TSPAN18: variants seen among roughly 807,000 people sequenced by gnomAD.
The protein encoded by TSPAN18 is tetraspanin-18.
In TSPAN18, 14 loss-of-function variants were observed where a neutral mutation model predicts 27.3. The ratio of observed to expected loss-of-function variants is 0.51; its 90% CI spans 0.34 to 0.80. The LOEUF is 0.80. Among genes scored for constraint, TSPAN18 ranks in the 30% least tolerant of loss-of-function variants. The pLI, the probability that TSPAN18 is intolerant of heterozygous loss-of-function variation, is 0.01. For missense variants in TSPAN18, 268 were observed against 323.9 expected (o/e 0.83, Z 1.32); for synonymous variants, 143 against 136.5 (o/e 1.05, Z -0.33).
At chr11:44,832,524 C>T (rs1332857529) in intron 2 of TSPAN18, among the ~76,000 whole-genome samples, 1 of 152,166 alleles carries the variant, frequency 6.6e-6, no homozygotes, top group Non-Finnish European at 1.5e-5. Flanking sequence ...AGAGCTTTTC[C>T]AGCTCTGGGC....
At chr11:44,908,805 A>AAGAAAGAAAG (rs1859585601) in intron 4 of TSPAN18, among the ~76,000 whole-genome samples, 2 of 117,186 alleles carry the variant, frequency 1.7e-5, no homozygotes, top group Non-Finnish European at 3.6e-5. Flanking sequence ...GAAAGAAAGA[A>AAGAAAGAAAG]AGAAAGAAAG....
chr11:44,919,388 A>G, intron 7 of TSPAN18, 76 bp downstream of exon 7: 2 of 1,257,664 alleles, frequency 1.6e-6, no homozygotes, highest in Non-Finnish European at 2.3e-6. Flanking sequence ...GCCAGGCATC[A>G]GTAATCAATC....
intron 5 of TSPAN18, among the ~76,000 whole-genome samples, chr11:44,910,950 A>T (rs770260402): frequency 6.6e-6 from 1 of 152,234 alleles, no homozygotes; most frequent in Non-Finnish European, 1.5e-5. Flanking sequence ...GGGGCCGACC[A>T]GCTCAGCTAT....
intron 2 of TSPAN18, among the ~76,000 whole-genome samples, chr11:44,789,003 A>G (rs1478688763): frequency 6.6e-6 from 1 of 152,246 alleles, no homozygotes; most frequent in African/African-American, 2.4e-5. Flanking sequence ...GAAAACCACA[A>G]AAAGCAACGC....
intron 3 of TSPAN18, among the ~76,000 whole-genome samples, chr11:44,877,372 G>C (rs1182907355): frequency 1.3e-5 from 2 of 152,242 alleles, no homozygotes; most frequent in East Asian, 1.9e-4. Flanking sequence ...GTGACCTGGA[G>C]TGGTCTGTCC....
chr11:44,894,267 A>T (rs907169407), intron 3 of TSPAN18, among the ~76,000 whole-genome samples: 11 of 152,192 alleles, frequency 7.2e-5, no homozygotes, highest in Admixed American at 7.2e-4. Flanking sequence ...GCACAGGCAG[A>T]TCCCCCACTG....
rs184676272 is a variant in TSPAN18, at chr11:44,905,129, C to T, written c.-10-1278C>T. On this transcript the variant is annotated intron_variant, in intron 3 of 9. Transcript: ENST00000520358. ...GAGTCCAATGTGATGCTTTGATACA[C>T]ATTTTACTATTATTAATATTAATAA... Among the ~76,000 whole-genome samples the T allele has an allele frequency of 2.0e-3, 306 of 152,242 alleles. 11 individuals are homozygous for T. Among genetic ancestry groups the T allele is most frequent in the Admixed American group, 0.02 (304 of 15,300 alleles).
In TSPAN18 at chr11:44,913,324, T is replaced by A. The variant is rs78368323; in HGVS notation, c.258+3425T>A. 1.5e-3 allele frequency among the ~76,000 whole-genome samples: 236 copies of A among 152,348 alleles called. 10 individuals are homozygous for A. The East Asian group carries it at 0.038, about 24-fold the overall frequency. On this transcript the variant is annotated intron_variant, in intron 5 of 9. Coordinates refer to ENST00000520358, the MANE Select transcript of TSPAN18 (RefSeq NM_130783.5). ...CAGGACCTGGGGACAATCAGTCTAA[T>A]GACCAGACCACCTAATGATCAATTT...
intron 2 of TSPAN18, among the ~76,000 whole-genome samples, chr11:44,857,049 G>A (rs530814914): frequency 1.6e-4 from 24 of 152,266 alleles, no homozygotes; most frequent in African/African-American, 5.1e-4. Context: ...TGAAGAAAAC[G>A]AGATACCCAG....
At chr11:44,777,613 G>GTTTGT (rs1855842555) in intron 2 of TSPAN18, among the ~76,000 whole-genome samples, 2 of 152,184 alleles carry the variant, frequency 1.3e-5, no homozygotes, top group Admixed American at 1.3e-4. Flanking sequence ...GTCTTTAATG[G>GTTTGT]GAAGGCTGAG....
At chr11:44,730,909 C>A (rs191370319) in intron 1 of TSPAN18, among the ~76,000 whole-genome samples, 65 of 152,314 alleles carry the variant, frequency 4.3e-4, no homozygotes, top group African/African-American at 1.4e-3. Flanking sequence ...CAGGCGTGAG[C>A]CACTGCACTT....
chr11:44,863,892 C>G (rs1178509932), intron 3 of TSPAN18, among the ~76,000 whole-genome samples: 1 of 152,142 alleles, frequency 6.6e-6, no homozygotes, highest in Non-Finnish European at 1.5e-5. Context: ...CAGTGTAGTA[C>G]TGATGCTATT....
chr11:44,847,318 T>G (rs1178555936), intron 2 of TSPAN18, among the ~76,000 whole-genome samples: 2 of 152,226 alleles, frequency 1.3e-5, no homozygotes, highest in Admixed American at 1.3e-4. Context: ...CCTGGCTCCC[T>G]CACTTATGAG....
At chr11:44,833,571 G>A (rs1177612875) in intron 2 of TSPAN18, among the ~76,000 whole-genome samples, 8 of 152,074 alleles carry the variant, frequency 5.3e-5, no homozygotes, top group Non-Finnish European at 1.2e-4. Flanking sequence ...TTCTGTGCTC[G>A]AAAAGGCTTA....
chr11:44,931,090 G>T lies in TSPAN18; in HGVS notation c.*1912G>T, dbSNP rs766872896. ...CCTCCTGCTGTGCCCGCCAGTCCTT[G>T]CCCTCCCACCAGGTCTCTGAGCTCA... On this transcript the variant is annotated 3_prime_UTR_variant, in exon 10 of 10. Transcript: ENST00000520358. The T allele has an allele frequency of 7.8e-5, 31 of 395,090 alleles. No homozygotes were observed. The highest frequency in any genetic ancestry group is 1.5e-4 in the Non-Finnish European group (29 of 195,952). 24.5% of individuals were successfully genotyped at this position (395,090 alleles called of 1,614,324 possible). A position where few individuals can be genotyped will look rare whatever the true frequency, so the allele number is the denominator to read the frequency against.
At chr11:44,732,572 A>G (rs1272820857) in intron 1 of TSPAN18, among the ~76,000 whole-genome samples, 1 of 152,152 alleles carries the variant, frequency 6.6e-6, no homozygotes, top group African/African-American at 2.4e-5. Context: ...ATAATCTCGC[A>G]GGCTCAGGGC....
At chr11:44,925,419 G>T (rs906284446) in intron 8 of TSPAN18, among the ~76,000 whole-genome samples, 72 of 152,176 alleles carry the variant, frequency 4.7e-4, no homozygotes, top group Non-Finnish European at 8.5e-4. Context: ...GCTCCATGGG[G>T]CTCCAGGGAG....
chr11:44,804,093 T>A (rs1856539293), intron 2 of TSPAN18, among the ~76,000 whole-genome samples: 1 of 151,180 alleles, frequency 6.6e-6, no homozygotes, highest in African/African-American at 2.4e-5. Flanking sequence ...ATGGTAAATT[T>A]CTTTTTTTTC....
rs765443858 is a variant in TSPAN18, at chr11:44,908,829, A to AAGAAAGAAAGAAAG, written c.64-875_64-874insGAAAGAAAGAAAGA. ...AAAGAAAGAAAGAAAGAAAGAAAGA[A>AAGAAAGAAAGAAAG]AAAGAAAAATGGAGCAGATATTTAT... On this transcript the variant is annotated intron_variant, in intron 4 of 9. Transcript: ENST00000520358. 8.7e-5 allele frequency among the ~76,000 whole-genome samples: 9 copies of AAGAAAGAAAGAAAG among 103,318 alleles called. 1 individual carries two copies. The highest frequency in any genetic ancestry group is 1.7e-4 in the Non-Finnish European group (9 of 52,428). The allele number at this position is 103,318 out of a possible 152,430, so 67.8% of individuals were successfully genotyped here.
Sources: gnomAD v4.1 joint callset for allele counts (sites outside exome capture counted in the v4.1 genomes callset) on GRCh38, gnomAD v4.1.1 for gene constraint, MANE v1.5 for transcripts, NCBI Gene and HGNC (gene_info 2026-07-23, HGNC 2026-07-21) for gene names.